Variants in TBL1XR1 observed in about 807,000 individuals in gnomAD.
TBL1XR1 encodes the protein F-box-like/WD repeat-containing protein TBL1XR1.
TBL1XR1 carries 5 observed loss-of-function variants against 66.9 expected under a neutral mutation model. The observed-to-expected ratio is 0.07, with a 90% CI of 0.04 to 0.16. TBL1XR1 has a LOEUF of 0.16. TBL1XR1 is among the 10% of genes least tolerant of loss of function. The pLI, the probability that TBL1XR1 is intolerant of heterozygous loss-of-function variation, is 1.00. For missense variants in TBL1XR1, 238 were observed against 623.2 expected, an observed-to-expected ratio of 0.38 and a Z score of 6.58; for synonymous variants, 210 against 206.0, an observed-to-expected ratio of 1.02 and a Z score of -0.17.
intron 1 of TBL1XR1, among the ~76,000 whole-genome samples, chr3:177,110,066 T>C (rs557318926): frequency 6.6e-6 from 1 of 152,314 alleles, no homozygotes. Context: ...ATGCCTCCTA[T>C]ATATTGTGAA....
Position 177,032,962 on chromosome 3 carries a change from A to T in TBL1XR1, c.1416+9T>A. The stretch of plus-strand genomic sequence containing the variant: ...AGAGCACTTGACCATTTAAATAATG[A>T]AGACATACCTGCGTGTTCCAGATGT... On this transcript the variant is annotated intron_variant, in intron 14 of 15. Coordinates refer to ENST00000457928, the MANE Select transcript of TBL1XR1 (RefSeq NM_024665.7). 1 of 1,545,758 alleles carries T rather than the reference A, an allele frequency of 6.5e-7. No individual in the cohort carries two copies. Among genetic ancestry groups the T allele is most frequent in the Non-Finnish European group, 8.8e-7 (1 of 1,141,494 alleles).
chr3:177,064,114 CT>C (rs1323559021), intron 3 of TBL1XR1, among the ~76,000 whole-genome samples: 1 of 152,172 alleles, frequency 6.6e-6, no homozygotes, highest in Admixed American at 6.5e-5. Context: ...CCAAAATTAT[CT>C]TTTTTATGGG....
intron 2 of TBL1XR1, among the ~76,000 whole-genome samples, chr3:177,082,366 C>CA (rs200378846): frequency 8.1e-5 from 12 of 148,962 alleles, no homozygotes; most frequent in South Asian, 6.3e-4. Context: ...TGAGGTACTT[C>CA]AAAAAAAAAT....
intron 12 of TBL1XR1, among the ~76,000 whole-genome samples, chr3:177,036,947 G>C (rs1714874754): frequency 6.6e-6 from 1 of 152,166 alleles, no homozygotes; most frequent in South Asian, 2.1e-4. Flanking sequence ...TTGGAAATAA[G>C]TATTACGTTG....
intron 12 of TBL1XR1, among the ~76,000 whole-genome samples, chr3:177,037,191 A>T (rs1714915442): frequency 6.6e-6 from 1 of 152,248 alleles, no homozygotes; most frequent in South Asian, 2.1e-4. Flanking sequence ...CAACGCAAAG[A>T]ATTCCAATCA....
chr3:177,099,778 G>A (rs1265635618), intron 1 of TBL1XR1, among the ~76,000 whole-genome samples: 1 of 152,220 alleles, frequency 6.6e-6, no homozygotes, highest in Non-Finnish European at 1.5e-5. Context: ...TGTTATGAAT[G>A]TCAATTATTT....
intron 1 of TBL1XR1, among the ~76,000 whole-genome samples, chr3:177,185,867 T>G (rs772830168): frequency 6.6e-6 from 1 of 151,940 alleles, no homozygotes; most frequent in Non-Finnish European, 1.5e-5. Context: ...AAAAATTGGC[T>G]GGGCATGGTG....
At chr3:177,116,306 C>T (rs1011635860) in intron 1 of TBL1XR1, among the ~76,000 whole-genome samples, 9 of 152,114 alleles carry the variant, frequency 5.9e-5, no homozygotes, top group African/African-American at 1.7e-4. Context: ...TGGTGGATGG[C>T]GCCACTTTCA....
intron 1 of TBL1XR1, chr3:177,195,701 T>C (rs1736760495): frequency 6.6e-6 from 1 of 151,620 alleles, no homozygotes; most frequent in Admixed American, 6.6e-5. Context: ...CACTTAATTA[T>C]ATGAGGTGGG....
chr3:177,163,839 T>A (rs1043001595), intron 1 of TBL1XR1: 10 of 152,198 alleles, frequency 6.6e-5, no homozygotes, highest in African/African-American at 2.2e-4. Context: ...TCAATTCATA[T>A]GTATCACTTT....
At chr3:177,151,311 G>T (rs568049777) in intron 1 of TBL1XR1, among the ~76,000 whole-genome samples, 1 of 152,326 alleles carries the variant, frequency 6.6e-6, no homozygotes, top group South Asian at 2.1e-4. Flanking sequence ...ATTAAAAACA[G>T]TTGCATTTGA....
chr3:177,112,107 ATT>A lies in TBL1XR1; in HGVS notation c.-121-13568_-121-13567del, dbSNP rs71170852. On this transcript the variant is annotated intron_variant, in intron 1 of 15. Transcript: ENST00000457928. ...TATATATATATATATATATATATAT[ATT>A]TTTTTTTTTTTTTTTTGTGAGGGGC... Among the ~76,000 whole-genome samples the A allele has an allele frequency of 4.8e-3, 182 of 37,622 alleles. 2 individuals are homozygous for A. The highest frequency in any genetic ancestry group is 6.1e-3 in the African/African-American group (48 of 7,834). 24.7% of individuals were successfully genotyped at this position (37,622 alleles called of 152,430 possible).
At chr3:177,055,826 GA>G (rs1457956539) in intron 3 of TBL1XR1, among the ~76,000 whole-genome samples, 21 of 152,172 alleles carry the variant, frequency 1.4e-4, no homozygotes, top group African/African-American at 5.1e-4. Flanking sequence ...CAGCTTAAGA[GA>G]TTTAAGAAAA....
chr3:177,081,556 C>G (rs983288958), intron 2 of TBL1XR1, among the ~76,000 whole-genome samples: 1 of 151,956 alleles, frequency 6.6e-6, no homozygotes, highest in Non-Finnish European at 1.5e-5. Flanking sequence ...TCTACACCAG[C>G]CTGGGCAACA....
chr3:177,112,074 A>AATATCT (rs1553846547), intron 1 of TBL1XR1, among the ~76,000 whole-genome samples: 1 of 40,946 alleles, frequency 2.4e-5, no homozygotes, highest in Non-Finnish European at 4.2e-5. Context: ...TATAAAATCA[A>AATATCT]ATATATATAT....
At chr3:177,034,350 C>T in intron 12 of TBL1XR1, 25 bp from the exon 13 acceptor site, 1 of 1,462,348 alleles carries the variant, frequency 6.8e-7, no homozygotes, top group East Asian at 2.5e-5. Flanking sequence ...AAAATGTATA[C>T]AATTATTTTT....
At chr3:177,107,506 T>C (rs1273095928) in intron 1 of TBL1XR1, among the ~76,000 whole-genome samples, 1 of 152,214 alleles carries the variant, frequency 6.6e-6, no homozygotes, top group African/African-American at 2.4e-5. Context: ...ATGGGGGTTT[T>C]TTTAGTGGAA....
intron 1 of TBL1XR1, among the ~76,000 whole-genome samples, chr3:177,161,780 A>G (rs1051899521): frequency 2.1e-4 from 24 of 115,822 alleles, no homozygotes; most frequent in African/African-American, 5.4e-4. Flanking sequence ...TGAGACTCTG[A>G]CTCAAAAAAA....
At chr3:177,131,401 T>C in intron 1 of TBL1XR1, 1 of 985,176 alleles carries the variant, frequency 1.0e-6, no homozygotes, top group Non-Finnish European at 1.2e-6. Context: ...CCTCCTGAGC[T>C]CAATACTGCA....
Sources: allele counts gnomAD v4.1 joint callset (sites outside exome capture counted in the v4.1 genomes callset), GRCh38; gene constraint gnomAD v4.1.1; transcripts MANE v1.5; gene names NCBI Gene and HGNC (gene_info 2026-07-23, HGNC 2026-07-21).